The following C1orf94 variants were observed in gnomAD, a reference collection of about 807,000 sequenced individuals.
C1orf94 encodes chromosome 1 open reading frame 94, also known as uncharacterized protein C1orf94.
Under a neutral mutation model 53.6 loss-of-function variants are expected in C1orf94, and 45 were observed. The ratio of observed to expected loss-of-function variants is 0.84; its 90% CI spans 0.66 to 1.08. The LOEUF (loss-of-function observed/expected upper bound fraction) is 1.08. C1orf94 is among the 50% of genes least tolerant of loss of function. C1orf94 has a pLI of 0.00. For synonymous variants in C1orf94, 304 were observed against 296.1 expected (o/e 1.03, Z -0.27); for missense variants, 762 against 738.9 (o/e 1.03, Z -0.36).
intron 1 of C1orf94, among the ~76,000 whole-genome samples, chr1:34,183,574 G>C (rs994539520): frequency 2.0e-5 from 3 of 152,202 alleles, no homozygotes; most frequent in African/African-American, 7.2e-5. Flanking sequence ...AACAAATATT[G>C]CCAGGTGCGG....
chr1:34,187,493 G>A (rs981152560), intron 1 of C1orf94, among the ~76,000 whole-genome samples: 1 of 151,942 alleles, frequency 6.6e-6, no homozygotes, highest in Admixed American at 6.5e-5. Context: ...CAGGTTGTGG[G>A]AGCCTGCAGA....
chr1:34,197,629 A>C lies in C1orf94; in HGVS notation c.725A>C (p.Gln242Pro), dbSNP rs201420557. Residue 242 changes from glutamine to proline, a missense_variant, in exon 2 of 7, where the codon CAG becomes CCG. Coordinates refer to ENST00000488417, the MANE Select transcript of C1orf94 (RefSeq NM_001134734.2). This position sits in a 1 kb window ranked among gnomAD's most constrained non-coding sequence, Gnocchi z 4.1. ...TTGCAAGTCAGCAAGCTTCTGTCCC[A>C]GTTCCCACTGAAGTCCACTGAGACA... is the stretch of plus-strand genomic sequence containing the variant. ...SNLQVSKLLSQFPLKSTETSK... is the reference protein window; with the variant it reads ...SNLQVSKLLSPFPLKSTETSK... The C allele has an allele frequency of 6.2e-7, 1 of 1,614,040 alleles. No homozygotes were observed. The highest frequency in any genetic ancestry group is 8.5e-7 in the Non-Finnish European group (1 of 1,180,014).
intron 1 of C1orf94, among the ~76,000 whole-genome samples, chr1:34,196,843 C>A (rs1642594806): frequency 6.6e-6 from 1 of 152,152 alleles, no homozygotes; most frequent in Admixed American, 6.5e-5. Context: ...TTGCTCCTGA[C>A]CCCTTTGCTG....
In C1orf94 at chr1:34,197,386, T is replaced by C. The variant is rs977697034; in HGVS notation, c.482T>C (p.Ile161Thr). ...PEGTRELAPC[I>T]LAPPLVAGSN... ...GGGACCAGAGAGCTGGCTCCCTGCA[T>C]TCTTGCCCCTCCTCTAGTGGCAGGC... Residue 161 changes from isoleucine to threonine, a missense_variant, in exon 2 of 7, where the codon ATT (isoleucine) becomes ACT (threonine). Coordinates refer to ENST00000488417, the MANE Select transcript of C1orf94 (RefSeq NM_001134734.2). The surrounding 1 kb of genome is among the most constrained non-coding windows in gnomAD (Gnocchi z 4.1). The C allele has an allele frequency of 6.2e-7, 1 of 1,613,524 alleles. No homozygotes were observed. Among genetic ancestry groups the C allele is most frequent in the African/African-American group, 1.3e-5 (1 of 74,936 alleles).
intron 1 of C1orf94, 53 bp downstream of exon 1, chr1:34,178,162 C>A: frequency 1.3e-6 from 2 of 1,504,928 alleles, no homozygotes; most frequent in South Asian, 2.6e-5. Context: ...GAGATGAAGT[C>A]TGACCTTCTG....
intron 6 of C1orf94, among the ~76,000 whole-genome samples, chr1:34,215,714 A>G (rs1642976058): frequency 1.3e-5 from 2 of 152,214 alleles, no homozygotes; most frequent in Admixed American, 6.5e-5. Flanking sequence ...CCAAAACACT[A>G]AGGTCATTGG....
At chr1:34,184,066 T>G (rs1298248531) in intron 1 of C1orf94, among the ~76,000 whole-genome samples, 1 of 152,126 alleles carries the variant, frequency 6.6e-6, no homozygotes, top group African/African-American at 2.4e-5. Flanking sequence ...ACATTGTACT[T>G]GACTACTGGA....
upstream of C1orf94, among the ~76,000 whole-genome samples, chr1:34,173,774 A>C (rs1183869085): frequency 6.6e-6 from 1 of 152,246 alleles, no homozygotes; most frequent in South Asian, 2.1e-4. Context: ...GGGGGAATTC[A>C]AGAAGTTTTC....
chr1:34,217,218 C>T (rs993596452), intron 6 of C1orf94, among the ~76,000 whole-genome samples: 2 of 152,206 alleles, frequency 1.3e-5, no homozygotes, highest in Non-Finnish European at 2.9e-5. Flanking sequence ...TGTTAACTCT[C>T]GTCCACACAG....
chr1:34,183,141 G>T (rs1245067406), intron 1 of C1orf94, among the ~76,000 whole-genome samples: 9 of 152,206 alleles, frequency 5.9e-5, no homozygotes, highest in African/African-American at 1.9e-4. Flanking sequence ...CATTTACAAA[G>T]GTGGGGAAGA....
Position 34,218,856 on chromosome 1 carries a change from A to G in C1orf94, c.*95A>G, listed in dbSNP as rs1367252804. ...CAAAAGCTTGGTATGAAGTTTGGAA[A>G]AGCAAGGTTCTGACCAGGTCACAGA... On this transcript the variant is annotated 3_prime_UTR_variant, in exon 7 of 7. Transcript: ENST00000488417. The G allele has an allele frequency of 1.7e-6, 2 of 1,187,664 alleles. No individual in the cohort carries two copies. The highest frequency in any genetic ancestry group is 3.1e-5 in the African/African-American group (2 of 65,250). 73.6% of individuals were successfully genotyped at this position (1,187,664 alleles called of 1,614,324 possible). A position where few individuals can be genotyped will look rare whatever the true frequency, so the allele number is the denominator to read the frequency against.
At chr1:34,212,980 A>G (rs1642920666) in intron 6 of C1orf94, among the ~76,000 whole-genome samples, 1 of 152,250 alleles carries the variant, frequency 6.6e-6, no homozygotes, top group African/African-American at 2.4e-5. Flanking sequence ...CAGCCAGCAC[A>G]AACTCAACAT....
At chr1:34,210,229 C>A (rs1642867224) in intron 5 of C1orf94, among the ~76,000 whole-genome samples, 1 of 152,220 alleles carries the variant, frequency 6.6e-6, no homozygotes, top group South Asian at 2.1e-4. Flanking sequence ...GGGGTACTTT[C>A]TGCCATGCTG....
chr1:34,185,531 G>T (rs1251341805), intron 1 of C1orf94, among the ~76,000 whole-genome samples: 1 of 152,130 alleles, frequency 6.6e-6, no homozygotes, highest in Non-Finnish European at 1.5e-5. Context: ...CAGTCCCATT[G>T]ACACTGATGC....
intron 1 of C1orf94, among the ~76,000 whole-genome samples, chr1:34,168,225 CCA>C (rs1642080396): frequency 6.6e-6 from 1 of 152,056 alleles, no homozygotes. Context: ...CTGCAGTGAG[CCA>C]TGATCACACC....
At position 34,193,523 on chromosome 1, in the gene C1orf94, G is replaced by T. The variant is rs116834413; in HGVS notation, c.321-3702G>T. ...ACAACGCCTGGCCAGGGATCAGGGAGACCTTGCTGGATAACAATCTCCTGA... is the reference window on the plus strand; with the variant it reads ...ACAACGCCTGGCCAGGGATCAGGGATACCTTGCTGGATAACAATCTCCTGA... On this transcript the variant is annotated intron_variant, in intron 1 of 6. Transcript: ENST00000488417. 8.1e-3 allele frequency among the ~76,000 whole-genome samples: 1,231 copies of T among 152,314 alleles called. 18 individuals are homozygous for T. Among genetic ancestry groups the T allele is most frequent in the African/African-American group, 0.028 (1,176 of 41,560 alleles).
rs559481363 is a variant in C1orf94, at chr1:34,213,551, T to C, written c.1721+1145T>C. Among the ~76,000 whole-genome samples the C allele has an allele frequency of 5.9e-5, 9 of 152,266 alleles. No homozygotes were observed. In the East Asian group the frequency reaches 1.5e-3, roughly 26 times the overall value. On this transcript the variant is annotated intron_variant, in intron 6 of 6. Coordinates refer to ENST00000488417, the MANE Select transcript of C1orf94 (RefSeq NM_001134734.2). Reference sequence around the variant, plus strand: ...TTCTTTTTTTATTTTATTATTATTATTTTTTTGAGATGGAGTTTCACCCTT... The same window carrying C: ...TTCTTTTTTTATTTTATTATTATTACTTTTTTGAGATGGAGTTTCACCCTT...
intron 1 of C1orf94, among the ~76,000 whole-genome samples, chr1:34,170,523 G>A (rs192937566): frequency 1.3e-5 from 2 of 152,176 alleles, no homozygotes; most frequent in Admixed American, 6.5e-5. Context: ...GGAAGGGTGT[G>A]GGGTGGAAAT....
intron 1 of C1orf94, among the ~76,000 whole-genome samples, chr1:34,194,889 T>A (rs1341030200): frequency 6.6e-6 from 1 of 152,164 alleles, no homozygotes; most frequent in African/African-American, 2.4e-5. Context: ...CAAAAACTAG[T>A]CTGACTCCTG....
Sources: gnomAD v4.1 joint callset for allele counts (sites outside exome capture counted in the v4.1 genomes callset) on GRCh38, gnomAD v4.1.1 for gene constraint, Gnocchi (gnomAD v3.1) non-coding constraint, MANE v1.5 for transcripts, NCBI Gene and HGNC (gene_info 2026-07-23, HGNC 2026-07-21) for gene names.